Variants in EYS observed in about 807,000 individuals in gnomAD.
EYS encodes the protein EGF-like photoreceptor maintenance factor.
EYS carries 250 observed loss-of-function variants against 282.1 expected under a neutral mutation model. The ratio of observed to expected loss-of-function variants is 0.89; its 90% CI spans 0.80 to 0.98. EYS has a LOEUF of 0.98. Among genes scored for constraint, EYS ranks in the 50% least tolerant of loss-of-function variants. EYS has a pLI of 0.00. For synonymous variants in EYS, 1,355 were observed against 1,282.9 expected, an observed-to-expected ratio of 1.06 and a Z score of -1.20; for missense variants, 4,016 against 3,709.0, an observed-to-expected ratio of 1.08 and a Z score of -2.15.
At chr6:63,878,774 G>A (rs917805408) in intron 35 of EYS, among the ~76,000 whole-genome samples, 8 of 152,204 alleles carry the variant, frequency 5.3e-5, no homozygotes, top group Admixed American at 1.3e-4. Flanking sequence ...GACCCTCTGA[G>A]CCAGGCACGG....
At chr6:64,008,622 T>C (rs910226768) in intron 33 of EYS, among the ~76,000 whole-genome samples, 1 of 152,166 alleles carries the variant, frequency 6.6e-6, no homozygotes, top group Non-Finnish European at 1.5e-5. Flanking sequence ...CTTTCCATAT[T>C]TAGCACTTCC....
intron 13 of EYS, among the ~76,000 whole-genome samples, chr6:65,012,288 C>T (rs944218818): frequency 6.6e-6 from 1 of 152,108 alleles, no homozygotes; most frequent in Non-Finnish European, 1.5e-5. Context: ...ATAAGCAGCA[C>T]AAACTTTTTC....
At chr6:65,600,726 G>A (rs1765586986) in intron 2 of EYS, among the ~76,000 whole-genome samples, 1 of 151,756 alleles carries the variant, frequency 6.6e-6, no homozygotes, top group South Asian at 2.1e-4. Flanking sequence ...ATTTTTAGTA[G>A]TTATATAATT....
At chr6:65,087,102 T>G (rs1306065312) in intron 12 of EYS, among the ~76,000 whole-genome samples, 2 of 152,184 alleles carry the variant, frequency 1.3e-5, no homozygotes, top group Non-Finnish European at 2.9e-5. Context: ...ATTACAGGCA[T>G]GAGCCACCGT....
chr6:65,110,144 A>C (rs1455037720), intron 12 of EYS, among the ~76,000 whole-genome samples: 1 of 152,126 alleles, frequency 6.6e-6, no homozygotes, highest in East Asian at 1.9e-4. Flanking sequence ...AGAGCCTCAC[A>C]TGAAAATTGT....
At chr6:65,036,475 T>A (rs1217797038) in intron 13 of EYS, among the ~76,000 whole-genome samples, 1 of 151,656 alleles carries the variant, frequency 6.6e-6, no homozygotes, top group East Asian at 1.9e-4. Flanking sequence ...AACCAAAAAC[T>A]GACAAATGGC....
chr6:63,978,016 G>A (rs2149788108), intron 35 of EYS, among the ~76,000 whole-genome samples: 1 of 152,052 alleles, frequency 6.6e-6, no homozygotes, highest in South Asian at 2.1e-4. Context: ...GATTTAATAT[G>A]TGAACATACA....
chr6:63,945,134 TG>T (rs1765357805), intron 35 of EYS, among the ~76,000 whole-genome samples: 2 of 152,104 alleles, frequency 1.3e-5, no homozygotes, highest in African/African-American at 4.8e-5. Flanking sequence ...TACCCGAGAC[TG>T]GGTAATTTAA....
chr6:64,593,299 A>G lies in EYS; in HGVS notation c.3695T>C (p.Ile1232Thr), dbSNP rs146413074. ...LCTPGFMTCS[I>T]GLLCGDEIRR... ...TATTTCATCACCACAAAGAAGCCCAATGGAGCAGGTCTGCAAATGACAATT... is the reference window on the plus strand; with the variant it reads ...TATTTCATCACCACAAAGAAGCCCAGTGGAGCAGGTCTGCAAATGACAATT... Residue 1232 changes from isoleucine to threonine, a missense_variant, in exon 25 of 43, where the codon ATT becomes ACT. Transcript: ENST00000503581. 107 of 1,549,614 alleles carry G rather than the reference A, an allele frequency of 6.9e-5. No individual in the cohort carries two copies. The highest frequency in any genetic ancestry group is 4.5e-4 in the African/African-American group (33 of 73,040).
chr6:64,617,303 A>T (rs1767304902), intron 24 of EYS, 115 bp downstream of exon 24: 15 of 700,492 alleles, frequency 2.1e-5, no homozygotes, highest in Non-Finnish European at 3.5e-5. Flanking sequence ...AGAAGGAGAG[A>T]TGCGCTGAAG....
Position 63,789,027 on chromosome 6 carries a change from T to C in EYS, c.7578+31A>G, listed in dbSNP as rs1044158806. ...CTGACAATATACTAGTGCTCTCAGT[T>C]TGTGGAAGTGACGAAGGAATGACTC... On this transcript the variant is annotated intron_variant, in intron 38 of 42. Transcript: ENST00000503581. 3 of 1,546,902 alleles carry C rather than the reference T, an allele frequency of 1.9e-6. No homozygotes were observed. The African/African-American group carries it at 4.1e-5, about 21-fold the overall frequency.
chr6:65,360,801 T>C (rs1380694461), intron 8 of EYS, among the ~76,000 whole-genome samples: 1 of 152,144 alleles, frequency 6.6e-6, no homozygotes, highest in African/African-American at 2.4e-5. Flanking sequence ...CCATTTAGTG[T>C]AGTCACTGCT....
chr6:64,380,521 A>G (rs925216729), intron 29 of EYS, among the ~76,000 whole-genome samples: 2 of 152,196 alleles, frequency 1.3e-5, no homozygotes, highest in Non-Finnish European at 2.9e-5. Context: ...ATAAACTTAG[A>G]TACAATTTCC....
chr6:65,448,759 T>C (rs1764290632), intron 5 of EYS, among the ~76,000 whole-genome samples: 1 of 152,024 alleles, frequency 6.6e-6, no homozygotes, highest in Admixed American at 6.6e-5. Context: ...TTTGGCAATA[T>C]CAAATGCAAT....
At chr6:65,138,113 A>G (rs1776074205) in intron 12 of EYS, among the ~76,000 whole-genome samples, 1 of 152,142 alleles carries the variant, frequency 6.6e-6, no homozygotes, top group Non-Finnish European at 1.5e-5. Flanking sequence ...CAGTACCGAT[A>G]TCAATGAAAG....
chr6:64,988,901 T>C (rs1770956288), intron 14 of EYS, among the ~76,000 whole-genome samples: 1 of 151,548 alleles, frequency 6.6e-6, no homozygotes, highest in Non-Finnish European at 1.5e-5. Flanking sequence ...TACAGCTCAC[T>C]TCCATACACT....
At chr6:65,643,253 G>A (rs1767339531) in intron 1 of EYS, among the ~76,000 whole-genome samples, 1 of 152,134 alleles carries the variant, frequency 6.6e-6, no homozygotes, top group Admixed American at 6.5e-5. Context: ...TGAGTCCTGC[G>A]ACTGCTGACT....
Position 64,242,293 on chromosome 6 carries a change from A to T in EYS, c.6192-11469T>A, listed in dbSNP as rs116723046. Among the ~76,000 whole-genome samples the T allele has an allele frequency of 2.7e-3, 412 of 152,084 alleles. 2 individuals are homozygous for T. The highest frequency in any genetic ancestry group is 9.5e-3 in the African/African-American group (393 of 41,548). On this transcript the variant is annotated intron_variant, in intron 30 of 42. Transcript: ENST00000503581. ...AAAATCTCACACTATTATTGTGATC[A>T]TAGAGAAGAGGCAAACTCTCTGCCT...
intron 14 of EYS, among the ~76,000 whole-genome samples, chr6:64,969,799 G>T (rs1165690888): frequency 6.6e-6 from 1 of 152,038 alleles, no homozygotes. Context: ...ACATACAAAG[G>T]CAGTAAAAGG....
Sources: gnomAD v4.1 joint callset for allele counts (sites outside exome capture counted in the v4.1 genomes callset) on GRCh38, gnomAD v4.1.1 for gene constraint, MANE v1.5 for transcripts, NCBI Gene and HGNC (gene_info 2026-07-23, HGNC 2026-07-21) for gene names.